ST18: variants seen among roughly 807,000 people sequenced by gnomAD.
The protein encoded by ST18 is ST18 C2H2C-type zinc finger transcription factor.
Under a neutral mutation model 110.0 loss-of-function variants are expected in ST18, and 50 were observed. The observed-to-expected ratio is 0.45, with a 90% confidence interval of 0.36 to 0.58. The LOEUF is 0.58. ST18 is among the 20% of genes least tolerant of loss of function. ST18 has a pLI of 0.00. For synonymous variants in ST18, 461 were observed against 452.4 expected (o/e 1.02, Z -0.24); for missense variants, 1,306 against 1,280.1 (o/e 1.02, Z -0.31).
intron 8 of ST18, among the ~76,000 whole-genome samples, chr8:52,181,841 T>C (rs2069735904): frequency 6.6e-6 from 1 of 152,156 alleles, no homozygotes; most frequent in Admixed American, 6.5e-5. Flanking sequence ...GAAACACCTT[T>C]ACGCTTGCCT....
chr8:52,180,399 C>G, intron 8 of ST18, 87 bp from the exon 9 acceptor site: 2 of 1,466,710 alleles, frequency 1.4e-6, no homozygotes, highest in South Asian at 2.5e-5. Flanking sequence ...TAACCTAAAG[C>G]CTTTGGAAAC....
At chr8:52,234,445 A>G (rs1205664701) in intron 2 of ST18, among the ~76,000 whole-genome samples, 1 of 151,896 alleles carries the variant, frequency 6.6e-6, no homozygotes, top group South Asian at 2.1e-4. Flanking sequence ...TTGTATTTTT[A>G]GTAGATATGG....
intron 17 of ST18, among the ~76,000 whole-genome samples, chr8:52,142,713 T>C (rs1168234638): frequency 6.6e-6 from 1 of 152,234 alleles, no homozygotes; most frequent in Non-Finnish European, 1.5e-5. Context: ...AATTGTGTTA[T>C]CTTATTTTGT....
chr8:52,136,881 CT>C (rs1257243307), intron 18 of ST18, among the ~76,000 whole-genome samples: 1 of 152,150 alleles, frequency 6.6e-6, no homozygotes, highest in Non-Finnish European at 1.5e-5. Flanking sequence ...AAATGAATGA[CT>C]TTAGCCCAAT....
At chr8:52,228,836 AG>A (rs2090394626) in intron 3 of ST18, among the ~76,000 whole-genome samples, 1 of 152,140 alleles carries the variant, frequency 6.6e-6, no homozygotes, top group Non-Finnish European at 1.5e-5. Context: ...AGGTCTCTGC[AG>A]CAGAGACCTG....
chr8:52,220,677 C>A lies in ST18; in HGVS notation c.-157+64G>T, dbSNP rs1349925212. 3.9e-5 allele frequency: 6 copies of A among 152,068 alleles called. No individual in the cohort carries two copies. The South Asian group carries it at 1.2e-3, about 32-fold the overall frequency. 9.4% of individuals were successfully genotyped at this position (152,068 alleles called of 1,614,324 possible). ...GTAGAGGAGAGCTTTCGTATAAATT[C>A]TTTGATTGAATTCATTTTCTTTCAA... is the stretch of plus-strand genomic sequence containing the variant. On this transcript the variant is annotated intron_variant, in intron 5 of 25. Coordinates refer to ENST00000689386, the MANE Select transcript of ST18 (RefSeq NM_001352837.2).
chr8:52,159,242 T>A, intron 14 of ST18, 133 bp from the exon 15 acceptor site: 2 of 826,936 alleles, frequency 2.4e-6, no homozygotes, highest in Non-Finnish European at 1.8e-6. Context: ...CCATTATCCA[T>A]GGGAACATTA....
intron 16 of ST18, among the ~76,000 whole-genome samples, chr8:52,146,633 C>T (rs369567065): frequency 1.1e-4 from 16 of 152,202 alleles, no homozygotes; most frequent in African/African-American, 3.6e-4. Flanking sequence ...ATAAAGGTTC[C>T]TTATCTGTAT....
chr8:52,152,229 A>T (rs1192767214), intron 15 of ST18, among the ~76,000 whole-genome samples: 1 of 152,174 alleles, frequency 6.6e-6, no homozygotes, highest in Non-Finnish European at 1.5e-5. Flanking sequence ...GTACCAGAGA[A>T]GGGTCCCTTT....
chr8:52,167,239 C>T (rs1163797972), intron 10 of ST18, among the ~76,000 whole-genome samples: 3 of 152,150 alleles, frequency 2.0e-5, no homozygotes, highest in East Asian at 1.9e-4. Context: ...GGTTTTAAGT[C>T]GTCAAGTCAC....
In ST18 at chr8:52,149,757, T is replaced by C; in HGVS notation, c.2027A>G (p.His676Arg). Residue 676 changes from histidine to arginine, a missense_variant, in exon 16 of 26, where the codon CAC becomes CGC. His to Arg is a conservative substitution (Grantham distance 29). Coordinates refer to ENST00000689386, the MANE Select transcript of ST18 (RefSeq NM_001352837.2). ...CTCTTTCTCCTCCTCTGTCTTCCCG[T>C]GAGTTTTGCTATAGTTGATAGGAGT... ...WDTPINYSKT[H>R]GKTEEEKEKD... The C allele has an allele frequency of 6.2e-7, 1 of 1,613,216 alleles. No individual in the cohort carries two copies. Among genetic ancestry groups the C allele is most frequent in the Non-Finnish European group, 8.5e-7 (1 of 1,179,296 alleles).
intron 2 of ST18, among the ~76,000 whole-genome samples, chr8:52,331,729 C>T (rs1046119904): frequency 1.5e-4 from 23 of 152,138 alleles, no homozygotes; most frequent in Admixed American, 1.0e-3. Flanking sequence ...GTGTGCATAT[C>T]AAAGTGCAAA....
chr8:52,162,027 T>C (rs62501000), intron 13 of ST18, among the ~76,000 whole-genome samples: 24,207 of 152,068 alleles, frequency 0.16, 2,029 homozygotes, highest in East Asian at 0.21. Context: ...CTGGCCAACA[T>C]GGTGAAACCC....
intron 2 of ST18, among the ~76,000 whole-genome samples, chr8:52,237,092 C>G (rs2092784356): frequency 1.3e-5 from 2 of 152,152 alleles, no homozygotes; most frequent in Non-Finnish European, 2.9e-5. Context: ...CTCTAGAGCT[C>G]CAAGGATCAC....
chr8:52,338,701 G>A (rs1813384787), intron 2 of ST18, among the ~76,000 whole-genome samples: 1 of 151,958 alleles, frequency 6.6e-6, no homozygotes, highest in Non-Finnish European at 1.5e-5. Context: ...TGGGATTACA[G>A]GTGTGAGCCA....
At chr8:52,196,928 C>G (rs2076367757) in intron 8 of ST18, among the ~76,000 whole-genome samples, 2 of 152,160 alleles carry the variant, frequency 1.3e-5, no homozygotes, top group Admixed American at 1.3e-4. Flanking sequence ...AAATGGAACC[C>G]TTGCATACAT....
chr8:52,222,931 T>C (rs879728162), intron 3 of ST18, among the ~76,000 whole-genome samples: 3 of 152,126 alleles, frequency 2.0e-5, no homozygotes, highest in Non-Finnish European at 4.4e-5. Flanking sequence ...CCCACCTACT[T>C]AGATGAATAC....
At position 52,113,888 on chromosome 8, in the gene ST18, T is replaced by C. The variant is rs189864528; in HGVS notation, c.3004-550A>G. Among the ~76,000 whole-genome samples the C allele has an allele frequency of 4.0e-5, 6 of 148,964 alleles. No homozygotes were observed. The East Asian group carries it at 1.2e-3, about 30-fold the overall frequency. On this transcript the variant is annotated intron_variant, in intron 25 of 25. Transcript: ENST00000689386. Reference sequence around the variant, plus strand: ...CCTGTGGCATCATTGCAATATACTTTTAAAAATTTCTCAGTCTCTGTAAGC... The same window carrying C: ...CCTGTGGCATCATTGCAATATACTTCTAAAAATTTCTCAGTCTCTGTAAGC...
At chr8:52,158,137 A>T (rs138804920) in intron 15 of ST18, among the ~76,000 whole-genome samples, 3 of 152,220 alleles carry the variant, frequency 2.0e-5, no homozygotes, top group African/African-American at 7.2e-5. Flanking sequence ...TGGCATCAGA[A>T]GCCCTTTGCT....
Sources: allele counts gnomAD v4.1 joint callset (sites outside exome capture counted in the v4.1 genomes callset), GRCh38; gene constraint gnomAD v4.1.1; transcripts MANE v1.5; gene names NCBI Gene and HGNC (gene_info 2026-07-23, HGNC 2026-07-21).